The following MEGF6 variants were observed in gnomAD, a reference collection of about 807,000 sequenced individuals.
MEGF6 encodes multiple EGF like domains 6.
A neutral mutation model predicts 207.1 loss-of-function variants in MEGF6; 184 were observed. That is an observed-to-expected ratio of 0.89 (90% CI 0.79 to 1.00). The LOEUF is 1.00. Among genes scored for constraint, MEGF6 ranks in the 50% least tolerant of loss-of-function variants. MEGF6 has a pLI of 0.00. For synonymous variants in MEGF6, 1,038 were observed against 910.0 expected (o/e 1.14, Z -2.53); for missense variants, 2,282 against 2,202.9 (o/e 1.04, Z -0.72).
chr1:3,618,777 A>G, the MEGF6 span, among the ~76,000 whole-genome samples: 2 of 152,108 alleles, frequency 1.3e-5, no homozygotes, highest in African/African-American at 4.8e-5. This position sits in a 1 kb window ranked among gnomAD's most constrained non-coding sequence, Gnocchi z 4.7. Flanking sequence ...CCCTGGCTCC[A>G]TGGAGAAGGG....
At chr1:3,615,214 G>C (rs530609982), upstream of MEGF6, among the ~76,000 whole-genome samples, 2 of 152,334 alleles carry the variant, frequency 1.3e-5, no homozygotes, top group South Asian at 4.1e-4. Context: ...GACATTTTCA[G>C]AGTCGTCAAA....
chr1:3,530,958 C>G, intron 4 of MEGF6: 2 of 1,314,186 alleles, frequency 1.5e-6, no homozygotes, highest in Non-Finnish European at 2.0e-6. Context: ...CACTGCCCCG[C>G]CCTGCTCCCT....
intron 23 of MEGF6, 62 bp downstream of exon 23, chr1:3,499,526 T>A (rs1640759079): frequency 3.3e-6 from 5 of 1,537,554 alleles, no homozygotes; most frequent in Non-Finnish European, 4.4e-6. Context: ...GGAGGGAGTC[T>A]CCTACGGAGG....
intron 3 of MEGF6, among the ~76,000 whole-genome samples, chr1:3,584,911 G>T (rs1272096959): frequency 1.3e-5 from 2 of 152,264 alleles, no homozygotes; most frequent in Non-Finnish European, 2.9e-5. Context: ...GCGTCACGGG[G>T]CTCCCCACCC....
chr1:3,502,070 T>G, intron 17 of MEGF6, 149 bp from the exon 18 acceptor site: 1 of 1,377,532 alleles, frequency 7.3e-7, no homozygotes, highest in Non-Finnish European at 1.0e-6. Context: ...TCACATGGGC[T>G]CCTGGCGAGT....
chr1:3,612,787 G>T (rs543389825), upstream of MEGF6, among the ~76,000 whole-genome samples: 34 of 152,160 alleles, frequency 2.2e-4, no homozygotes, highest in Non-Finnish European at 4.4e-4. Flanking sequence ...TGTCCCGATA[G>T]GAGGGACAAC....
rs1248125297 is a variant in MEGF6 at position 3,501,492 on chromosome 1, C to A, written c.2315-184G>T. 3.9e-5 allele frequency among the ~76,000 whole-genome samples: 6 copies of A among 152,064 alleles called. No homozygotes were observed. In the South Asian group the frequency reaches 1.2e-3, roughly 32 times the overall value. ...GGGGCTGCAGGCTGCGGGGTGCGCA[C>A]CCACAGTAGAGGACCCCCAGCCCCC... On this transcript the variant is annotated intron_variant, in intron 18 of 36. Transcript: ENST00000356575.
intron 2 of MEGF6, among the ~76,000 whole-genome samples, chr1:3,597,465 A>G (rs1490211635): frequency 6.6e-6 from 1 of 152,120 alleles, no homozygotes; most frequent in Non-Finnish European, 1.5e-5. Context: ...TGCAGTGACT[A>G]ATGTCCCCAC....
Position 3,490,408 on chromosome 1 carries a change from C to T in MEGF6, c.*120G>A. ...GGGCTGTCCACAGCCCTCCACGGCCCTCAAAGGAAGGGCAGTACCAGGAGC... is the reference window on the plus strand; with the variant it reads ...GGGCTGTCCACAGCCCTCCACGGCCTTCAAAGGAAGGGCAGTACCAGGAGC... On this transcript the variant is annotated 3_prime_UTR_variant, in exon 37 of 37. Coordinates refer to ENST00000356575, the MANE Select transcript of MEGF6 (RefSeq NM_001409.4). 2.6e-6 allele frequency: 3 copies of T among 1,164,966 alleles called. No homozygotes were observed. Among genetic ancestry groups the T allele is most frequent in the Non-Finnish European group, 3.7e-6 (3 of 814,084 alleles). The allele number at this position is 1,164,966 out of a possible 1,614,324, so 72.2% of individuals were successfully genotyped here.
At chr1:3,496,424 G>T (rs1640607621) in intron 29 of MEGF6, among the ~76,000 whole-genome samples, 1 of 152,258 alleles carries the variant, frequency 6.6e-6, no homozygotes. Flanking sequence ...GGCACAGCAG[G>T]TGCAGGGGCA....
chr1:3,499,070 C>T, intron 24 of MEGF6, 68 bp downstream of exon 24: 1 of 1,564,726 alleles, frequency 6.4e-7, no homozygotes, highest in Non-Finnish European at 8.6e-7. Flanking sequence ...GTCCTGTGGG[C>T]CCTGCAAGAG....
chr1:3,496,138 G>C (rs990843084), intron 29 of MEGF6, 120 bp from the exon 30 acceptor site: 1 of 1,378,942 alleles, frequency 7.3e-7, no homozygotes, highest in Non-Finnish European at 9.5e-7. Flanking sequence ...GCCCCAGACA[G>C]GGTGGGGCCA....
At chr1:3,534,904 A>AT (rs1642279754) in intron 4 of MEGF6, among the ~76,000 whole-genome samples, 1 of 151,920 alleles carries the variant, frequency 6.6e-6, no homozygotes, top group African/African-American at 2.4e-5. Context: ...TGGGGCTGCC[A>AT]TCACCCCTTC....
At chr1:3,569,105 G>A (rs925773855) in intron 4 of MEGF6, among the ~76,000 whole-genome samples, 3 of 152,246 alleles carry the variant, frequency 2.0e-5, no homozygotes, top group African/African-American at 2.4e-5. Flanking sequence ...TCCTGCAGCC[G>A]ACTCCATCCG....
At chr1:3,615,157 T>C (rs1014889365), upstream of MEGF6, among the ~76,000 whole-genome samples, 2 of 152,256 alleles carry the variant, frequency 1.3e-5, no homozygotes, top group Non-Finnish European at 2.9e-5. Flanking sequence ...AAAGTTGCAT[T>C]GGACTTCTCA....
Position 3,507,827 on chromosome 1 carries a change from G to C in MEGF6, c.1757C>G (p.Pro586Arg), listed in dbSNP as rs1454508342. Reference sequence around the variant, plus strand: ...ACAGTTAGTTCCACTGACACCCGGGGGGCAGCGGCAGGCCCCCGTGACAGA... The same window carrying C: ...ACAGTTAGTTCCACTGACACCCGGGCGGCAGCGGCAGGCCCCCGTGACAGA... ...CDSVTGACRC[P>R]PGVSGTNCED... Residue 586 changes from proline to arginine, a missense_variant, in exon 14 of 37, where the codon CCC becomes CGC. Transcript: ENST00000356575. 6.2e-7 allele frequency: 1 copy of C among 1,612,866 alleles called. No homozygotes were observed.
At chr1:3,500,296 G>A (rs1640799609) in intron 21 of MEGF6, among the ~76,000 whole-genome samples, 1 of 152,256 alleles carries the variant, frequency 6.6e-6, no homozygotes, top group South Asian at 2.1e-4. Context: ...CCACAGTGGG[G>A]GACAGACCCT....
At chr1:3,569,760 C>T (rs1643446234) in intron 4 of MEGF6, among the ~76,000 whole-genome samples, 1 of 152,246 alleles carries the variant, frequency 6.6e-6, no homozygotes, top group African/African-American at 2.4e-5. Context: ...TGCCCACTCA[C>T]CAGGCAGCAC....
intron 3 of MEGF6, among the ~76,000 whole-genome samples, chr1:3,585,455 G>A (rs1184018023): frequency 2.0e-5 from 3 of 150,940 alleles, no homozygotes; most frequent in African/African-American, 2.4e-5. Context: ...TGTCCTGTGT[G>A]TGGGTGTGAG....
Sources: gnomAD v4.1 joint callset for allele counts (sites outside exome capture counted in the v4.1 genomes callset) on GRCh38, gnomAD v4.1.1 for gene constraint, Gnocchi (gnomAD v3.1) non-coding constraint, MANE v1.5 for transcripts, NCBI Gene and HGNC (gene_info 2026-07-23, HGNC 2026-07-21) for gene names.